The following LNPEP variants were observed in gnomAD, a reference collection of about 807,000 sequenced individuals.
The protein encoded by LNPEP is leucyl-cystinyl aminopeptidase.
A neutral mutation model predicts 120.6 loss-of-function variants in LNPEP; 64 were observed. The observed-to-expected ratio is 0.53, with a 90% CI of 0.43 to 0.65. The LOEUF (loss-of-function observed/expected upper bound fraction) is 0.65. Among genes scored for constraint, LNPEP ranks in the 30% least tolerant of loss-of-function variants. The pLI, the probability that LNPEP is intolerant of heterozygous loss-of-function variation, is 0.00. For synonymous variants in LNPEP, 435 were observed against 425.4 expected (o/e 1.02, Z -0.28); for missense variants, 1,057 against 1,200.0 (o/e 0.88, Z 1.76).
intron 1 of LNPEP, among the ~76,000 whole-genome samples, chr5:96,971,585 C>T (rs997255288): frequency 6.6e-6 from 1 of 151,992 alleles, no homozygotes; most frequent in Non-Finnish European, 1.5e-5. Flanking sequence ...TATTTTTCTT[C>T]AATCCTTTGT....
chr5:96,976,062 C>T (rs1206805466), intron 1 of LNPEP, among the ~76,000 whole-genome samples: 1 of 152,084 alleles, frequency 6.6e-6, no homozygotes, highest in Non-Finnish European at 1.5e-5. Context: ...TAAATCCCAT[C>T]GAGCAAGGGG....
At chr5:96,972,244 C>T (rs943117840) in intron 1 of LNPEP, among the ~76,000 whole-genome samples, 1 of 151,734 alleles carries the variant, frequency 6.6e-6, no homozygotes, top group African/African-American at 2.4e-5. Context: ...ATACTTTTTC[C>T]CCTGTGGATT....
intron 4 of LNPEP, among the ~76,000 whole-genome samples, chr5:96,989,014 C>T (rs1790309356): frequency 6.6e-6 from 1 of 151,822 alleles, no homozygotes; most frequent in Non-Finnish European, 1.5e-5. Flanking sequence ...TATGTGTGTG[C>T]ATGTGCATGC....
Position 97,003,395 on chromosome 5 carries a change from C to A in LNPEP, c.1654-20C>A. The A allele has an allele frequency of 1.5e-6, 2 of 1,337,870 alleles. No homozygotes were observed. The highest frequency in any genetic ancestry group is 2.0e-6 in the Non-Finnish European group (2 of 995,364). The allele number at this position is 1,337,870 out of a possible 1,614,324, so 82.9% of individuals were successfully genotyped here. On this transcript the variant is annotated intron_variant, in intron 8 of 17. Coordinates refer to ENST00000231368, the MANE Select transcript of LNPEP (RefSeq NM_005575.3). ...TATTCTATTATTTTCTTTCTTTTTCCTCACTTTTTTTTTTAATAGGGATCT... is the reference window on the plus strand; with the variant it reads ...TATTCTATTATTTTCTTTCTTTTTCATCACTTTTTTTTTTAATAGGGATCT...
At chr5:96,996,046 GA>G (rs2112631836) in intron 6 of LNPEP, 1 of 162,762 alleles carries the variant, frequency 6.1e-6, no homozygotes, top group East Asian at 1.7e-4. Flanking sequence ...CATTATCTTG[GA>G]AATCTCACTT....
rs912892096 is a variant in LNPEP at position 97,036,776 on chromosome 5, G to A, written c.*8243G>A. ...TATCAAACTCTCAGATTCTAGTGTT[G>A]AAAAAGTAGCCTATACTTTGCTATT... On this transcript the variant is annotated 3_prime_UTR_variant, in exon 18 of 18. Coordinates refer to ENST00000231368, the MANE Select transcript of LNPEP (RefSeq NM_005575.3). 6.6e-6 allele frequency: 1 copy of A among 152,048 alleles called. No homozygotes were observed. Among genetic ancestry groups the A allele is most frequent in the African/African-American group, 2.4e-5 (1 of 41,414 alleles). The allele number at this position is 152,048 out of a possible 1,614,324, so 9.4% of individuals were successfully genotyped here. A position where few individuals can be genotyped will look rare whatever the true frequency, so the allele number is the denominator to read the frequency against.
Position 97,030,157 on chromosome 5 carries a change from G to A in LNPEP, c.*1624G>A, listed in dbSNP as rs1791439802. The A allele has an allele frequency of 6.6e-6, 1 of 151,602 alleles. No individual in the cohort carries two copies. Among genetic ancestry groups the A allele is most frequent in the South Asian group, 2.1e-4 (1 of 4,810 alleles). 9.4% of individuals were successfully genotyped at this position (151,602 alleles called of 1,614,324 possible). ...TTTATATAATAAAATTTAAAAGGCT[G>A]GTAAGCTAAAAAAATAGTCTTCTTT... On this transcript the variant is annotated 3_prime_UTR_variant, in exon 18 of 18. Transcript: ENST00000231368.
At position 97,028,535 on chromosome 5, in the gene LNPEP, A is replaced by G. The variant is rs138295839; in HGVS notation, c.*2A>G. Reference sequence around the variant, plus strand: ...AAAAGTCTCACATGGTGGCTGTAGCATGCACAACCGCACCTCATTTTGTTG... The same window carrying G: ...AAAAGTCTCACATGGTGGCTGTAGCGTGCACAACCGCACCTCATTTTGTTG... On this transcript the variant is annotated 3_prime_UTR_variant, in exon 18 of 18. Coordinates refer to ENST00000231368, the MANE Select transcript of LNPEP (RefSeq NM_005575.3). 594 of 1,613,342 alleles carry G rather than the reference A, an allele frequency of 3.7e-4. No homozygotes were observed. The highest frequency in any genetic ancestry group is 4.8e-4 in the Non-Finnish European group (564 of 1,179,526).
At chr5:97,028,284 A>G (rs993054658) in intron 17 of LNPEP, 118 bp from the exon 18 acceptor site, 21 of 875,764 alleles carry the variant, frequency 2.4e-5, no homozygotes, top group South Asian at 7.0e-5. Flanking sequence ...ACTTCTTTCT[A>G]CTGCTTTCAA....
intron 1 of LNPEP, among the ~76,000 whole-genome samples, chr5:96,959,933 CTTTTTTTTTT>C (rs11316262): frequency 1.8e-5 from 2 of 113,202 alleles, no homozygotes; most frequent in Non-Finnish European, 3.6e-5. Flanking sequence ...TAAAATTTAT[CTTTTTTTTTT>C]TTTTTTTTTT....
chr5:96,979,441 C>A lies in LNPEP; in HGVS notation c.323C>A (p.Ala108Glu), dbSNP rs1379015976. 2 of 1,614,094 alleles carry A rather than the reference C, an allele frequency of 1.2e-6. No homozygotes were observed. ...SPDGACSVPSARTMVVCAFVI... is the reference protein window; with the variant it reads ...SPDGACSVPSERTMVVCAFVI... The stretch of plus-strand genomic sequence containing the variant: ...GATGGGGCTTGTTCAGTACCCTCTG[C>A]AAGGACCATGGTGGTCTGTGCTTTT... The change falls in exon 2 of 18, where the codon GCA becomes GAA. Residue 108 changes from alanine (A) to glutamate (E), a missense_variant. Physicochemically the swap from Ala to Glu is moderately radical, Grantham distance 107 (BLOSUM62 -1). Transcript: ENST00000231368.
Position 97,028,501 on chromosome 5 carries a change from A to G in LNPEP, c.3046A>G (p.Lys1016Glu), listed in dbSNP as rs1234170342. ...TCAGTTGAATATCCAGTGGATGGAG[A>G]AGAACCTCAAAAGTCTCACATGGTG... ...VIQLNIQWME[K>E]NLKSLTWWL The change falls in exon 18 of 18, where the codon AAG becomes GAG. Residue 1016 changes from lysine to glutamate, a missense_variant. Transcript: ENST00000231368. 7 of 1,613,806 alleles carry G rather than the reference A, an allele frequency of 4.3e-6. No homozygotes were observed. The highest frequency in any genetic ancestry group is 5.9e-6 in the Non-Finnish European group (7 of 1,179,862).
intron 2 of LNPEP, among the ~76,000 whole-genome samples, chr5:96,981,096 G>A (rs1444493025): frequency 6.6e-6 from 1 of 152,086 alleles, no homozygotes; most frequent in Non-Finnish European, 1.5e-5. Context: ...CCCAGGAAAT[G>A]TAAGCTATGT....
intron 2 of LNPEP, 82 bp downstream of exon 2, chr5:96,980,060 C>T (rs530298945): frequency 4.7e-5 from 61 of 1,296,954 alleles, no homozygotes; most frequent in African/African-American, 2.5e-4. Context: ...ACCAGAGACA[C>T]GAATTGTGAT....
chr5:97,007,965 G>A (rs1205711451), intron 11 of LNPEP, among the ~76,000 whole-genome samples: 1 of 152,104 alleles, frequency 6.6e-6, no homozygotes, highest in East Asian at 1.9e-4. Context: ...TTACCATAGT[G>A]GAGTGTTAAA....
chr5:96,946,196 A>G lies in LNPEP; in HGVS notation c.19+10022A>G, dbSNP rs1274651230. On this transcript the variant is annotated intron_variant, in intron 1 of 17. Transcript: ENST00000231368. Reference sequence around the variant, plus strand: ...GCCTTAGTATCTAGATTGGGTAGCTACATTATGAAGATAACTCAAACTGAA... The same window carrying G: ...GCCTTAGTATCTAGATTGGGTAGCTGCATTATGAAGATAACTCAAACTGAA... Among the ~76,000 whole-genome samples, 4 of 152,202 alleles carry G rather than the reference A, an allele frequency of 2.6e-5. No individual in the cohort carries two copies. In the East Asian group the frequency reaches 7.7e-4, roughly 29 times the overall value.
chr5:97,020,197 A>G (rs973796756), intron 13 of LNPEP, among the ~76,000 whole-genome samples: 1 of 152,196 alleles, frequency 6.6e-6, no homozygotes, highest in African/African-American at 2.4e-5. Context: ...TGGTCTTAAT[A>G]GTTTAAAAAT....
intron 3 of LNPEP, among the ~76,000 whole-genome samples, chr5:96,986,080 G>C (rs1384485684): frequency 6.6e-6 from 1 of 152,024 alleles, no homozygotes; most frequent in Non-Finnish European, 1.5e-5. Context: ...TACTGACTTT[G>C]TTCCCACTAA....
At position 97,015,114 on chromosome 5, in the gene LNPEP, C is replaced by A; in HGVS notation, c.2376+19C>A. The A allele has an allele frequency of 6.7e-7, 1 of 1,501,790 alleles. No individual in the cohort carries two copies. Among genetic ancestry groups the A allele is most frequent in the Non-Finnish European group, 8.9e-7 (1 of 1,123,458 alleles). 93.0% of individuals were successfully genotyped at this position (1,501,790 alleles called of 1,614,324 possible). A position where few individuals can be genotyped will look rare whatever the true frequency, so the allele number is the denominator to read the frequency against. On this transcript the variant is annotated intron_variant, in intron 13 of 17. Transcript: ENST00000231368. ...ACTGGTGGTAAGTCTGCCTTTTTGC[C>A]AGCTTCTTGCTGTTTATCTTTAATA...
Sources: gnomAD v4.1 joint callset for allele counts (sites outside exome capture counted in the v4.1 genomes callset) on GRCh38, gnomAD v4.1.1 for gene constraint, MANE v1.5 for transcripts, NCBI Gene and HGNC (gene_info 2026-07-23, HGNC 2026-07-21) for gene names.